VIL1: variants seen among roughly 807,000 people sequenced by gnomAD.
VIL1 encodes villin 1, also known as villin-1.
Under a neutral mutation model 104.0 loss-of-function variants are expected in VIL1, and 86 were observed. The observed-to-expected ratio is 0.83, with a 90% CI of 0.69 to 0.99. The LOEUF is 0.99. Ranked by LOEUF, VIL1 falls within the 50% of genes least tolerant of loss-of-function variation. The pLI, the probability that VIL1 is intolerant of heterozygous loss-of-function variation, is 0.00. For synonymous variants in VIL1, 394 were observed against 412.6 expected, an observed-to-expected ratio of 0.95 and a Z score of 0.55; for missense variants, 944 against 1,054.1, an observed-to-expected ratio of 0.90 and a Z score of 1.45.
chr2:218,440,608 TG>T, intron 18 of VIL1, 113 bp from the exon 19 acceptor site: 1 of 1,264,032 alleles, frequency 7.9e-7, no homozygotes. Flanking sequence ...CAGGGTGGGG[TG>T]GGACATGGGA....
At chr2:218,419,831 A>G (rs926611361) in intron 1 of VIL1, among the ~76,000 whole-genome samples, 2 of 152,170 alleles carry the variant, frequency 1.3e-5, no homozygotes, top group Non-Finnish European at 1.5e-5. Flanking sequence ...GGGCCCATTC[A>G]GCAGAACTAG....
chr2:218,421,707 C>T (rs1208937122), intron 1 of VIL1, among the ~76,000 whole-genome samples: 2 of 152,154 alleles, frequency 1.3e-5, no homozygotes, highest in Non-Finnish European at 2.9e-5. Flanking sequence ...GGCCCCAATC[C>T]TGATTTCTCT....
chr2:218,429,467 G>C lies in VIL1; in HGVS notation c.750G>C (p.Lys250Asn). ...ACACGGTGGTGGAGCCGGCACTCAA[G>C]GCTGCACTCAAACTGTACCAGTGAG... ...VPDTVVEPAL[K>N]AALKLYHVSD... Residue 250 changes from lysine to asparagine, a missense_variant, in exon 7 of 20, where the codon AAG becomes AAC. Transcript: ENST00000248444. The C allele has an allele frequency of 6.2e-7, 1 of 1,613,944 alleles. No individual in the cohort carries two copies. Among genetic ancestry groups the C allele is most frequent in the East Asian group, 2.2e-5 (1 of 44,870 alleles).
chr2:218,434,399 G>A lies in VIL1; in HGVS notation c.1501-127G>A. On this transcript the variant is annotated intron_variant, in intron 13 of 19. Coordinates refer to ENST00000248444, the MANE Select transcript of VIL1 (RefSeq NM_007127.3). The stretch of plus-strand genomic sequence containing the variant: ...GCAAACAATGTTTTAGAAAGACCTG[G>A]TGACGGAGCATCAGAGGAGCTCAGG... The A allele has an allele frequency of 2.2e-6, 2 of 900,346 alleles. 1 individual carries two copies. The highest frequency in any genetic ancestry group is 3.5e-5 in the South Asian group (2 of 57,370). 55.8% of individuals were successfully genotyped at this position (900,346 alleles called of 1,614,324 possible).
chr2:218,451,237 C>G lies in VIL1; in HGVS notation c.*1901C>G, dbSNP rs186692529. 13 of 152,226 alleles carry G rather than the reference C, an allele frequency of 8.5e-5. No homozygotes were observed. The East Asian group carries it at 2.5e-3, about 29-fold the overall frequency. 9.4% of individuals were successfully genotyped at this position (152,226 alleles called of 1,614,324 possible). A position where few individuals can be genotyped will look rare whatever the true frequency, so the allele number is the denominator to read the frequency against. On this transcript the variant is annotated 3_prime_UTR_variant, in exon 20 of 20. Transcript: ENST00000248444. Reference sequence around the variant, plus strand: ...AATGGGGAGGAAAAAGACATCCATCCATTTTATTGGAACACTTTTATGTGA... The same window carrying G: ...AATGGGGAGGAAAAAGACATCCATCGATTTTATTGGAACACTTTTATGTGA...
intron 16 of VIL1, among the ~76,000 whole-genome samples, 161 bp downstream of exon 16, chr2:218,436,787 G>T (rs1382140782): frequency 2.6e-5 from 4 of 152,324 alleles, no homozygotes; most frequent in Non-Finnish European, 5.9e-5. Context: ...AAGAAGGAAG[G>T]TGGGGAGGAA....
intron 9 of VIL1, among the ~76,000 whole-genome samples, chr2:218,430,462 T>A (rs1689075197): frequency 6.6e-6 from 1 of 152,008 alleles, no homozygotes; most frequent in African/African-American, 2.4e-5. Context: ...GTCAGAGTTG[T>A]GTTTCGGTAT....
At chr2:218,433,783 T>G (rs746953179) in intron 13 of VIL1, among the ~76,000 whole-genome samples, 40 of 151,894 alleles carry the variant, frequency 2.6e-4, no homozygotes, top group Admixed American at 5.2e-4. Flanking sequence ...AGTGCACACT[T>G]GTAATCCCAG....
At chr2:218,433,099 G>A (rs1209957410) in intron 13 of VIL1, 148 bp downstream of exon 13, 2 of 983,990 alleles carry the variant, frequency 2.0e-6, no homozygotes, top group Non-Finnish European at 3.0e-6. Flanking sequence ...TATCACCTAT[G>A]TGGAACTGGT....
At chr2:218,437,050 T>C in intron 16 of VIL1, 74 bp from the exon 17 acceptor site, 17 of 1,547,288 alleles carry the variant, frequency 1.1e-5, no homozygotes, top group Non-Finnish European at 1.5e-5. Flanking sequence ...GTTTCACTGT[T>C]GGACAACTGA....
chr2:218,432,277 C>A, intron 12 of VIL1, 94 bp downstream of exon 12: 1 of 1,523,796 alleles, frequency 6.6e-7, no homozygotes, highest in Non-Finnish European at 8.8e-7. Context: ...GGGTTGAATA[C>A]CTCTGGGGAT....
rs778555180 is a variant in VIL1 at position 218,430,796 on chromosome 2, C to T, written c.1020C>T (p.Ala340=). ...TGCAGAATGATGGGGCTGAGTCGGCCGTCTTTCAGCAGCTCTTCCAGAAGT... is the reference window on the plus strand; with the variant it reads ...TGCAGAATGATGGGGCTGAGTCGGCTGTCTTTCAGCAGCTCTTCCAGAAGT... ...VEVQNDGAES[A]VFQQLFQKWT... Residue 340 remains alanine, a synonymous_variant, in exon 10 of 20, where the codon GCC becomes GCT. Coordinates refer to ENST00000248444, the MANE Select transcript of VIL1 (RefSeq NM_007127.3). 1.2e-5 allele frequency: 20 copies of T among 1,613,572 alleles called. No individual in the cohort carries two copies. Among genetic ancestry groups the T allele is most frequent in the Admixed American group, 5.0e-5 (3 of 59,924 alleles).
intron 18 of VIL1, 131 bp downstream of exon 18, chr2:218,438,857 C>A (rs2106395626): frequency 5.7e-6 from 4 of 705,904 alleles, no homozygotes; most frequent in South Asian, 3.6e-5. Context: ...ACTTCTCATT[C>A]TTCTTGCTGT....
chr2:218,445,644 C>A (rs1307091422), intron 19 of VIL1, among the ~76,000 whole-genome samples: 2 of 151,874 alleles, frequency 1.3e-5, no homozygotes, highest in African/African-American at 4.8e-5. Flanking sequence ...AAAATGTTCC[C>A]TAGGGCAACT....
intron 19 of VIL1, among the ~76,000 whole-genome samples, chr2:218,445,972 T>G (rs1218368073): frequency 1.3e-5 from 2 of 152,194 alleles, no homozygotes; most frequent in Non-Finnish European, 2.9e-5. Context: ...AAAATTGTGC[T>G]ATCTAATCTT....
intron 13 of VIL1, among the ~76,000 whole-genome samples, 193 bp downstream of exon 13, chr2:218,433,144 C>T (rs1038567215): frequency 2.0e-5 from 3 of 152,206 alleles, no homozygotes; most frequent in African/African-American, 4.8e-5. Flanking sequence ...TTTAGAAATA[C>T]GTGTAATTGG....
intron 19 of VIL1, among the ~76,000 whole-genome samples, chr2:218,447,755 TG>T (rs1179695761): frequency 6.6e-6 from 1 of 151,684 alleles, no homozygotes; most frequent in Admixed American, 6.6e-5. Flanking sequence ...TTTTTTGAGA[TG>T]GAAAACTGTT....
In VIL1 at chr2:218,436,526, G is replaced by C. The variant is rs767690809; in HGVS notation, c.1871G>C (p.Cys624Ser). Residue 624 changes from cysteine (C) to serine (S), a missense_variant, in exon 16 of 20, where the codon TGT becomes TCT. Coordinates refer to ENST00000248444, the MANE Select transcript of VIL1 (RefSeq NM_007127.3). Reference protein sequence around the residue: ...NLVITPRLFECSNKTGRFLAT... With the variant: ...NLVITPRLFESSNKTGRFLAT... ...GTCATCACCCCCCGGCTCTTTGAGT[G>C]TTCCAACAAGACTGGGCGCTTCCTG... is the stretch of plus-strand genomic sequence containing the variant. 6.2e-7 allele frequency: 1 copy of C among 1,614,012 alleles called. No individual in the cohort carries two copies. Among genetic ancestry groups the C allele is most frequent in the East Asian group, 2.2e-5 (1 of 44,884 alleles).
intron 19 of VIL1, among the ~76,000 whole-genome samples, chr2:218,447,905 G>A (rs1286590920): frequency 6.6e-6 from 1 of 152,102 alleles, no homozygotes; most frequent in Non-Finnish European, 1.5e-5. Flanking sequence ...TTTGTTTTCA[G>A]TATACTTTCA....
Sources: gnomAD v4.1 joint callset for allele counts (sites outside exome capture counted in the v4.1 genomes callset) on GRCh38, gnomAD v4.1.1 for gene constraint, MANE v1.5 for transcripts, NCBI Gene and HGNC (gene_info 2026-07-23, HGNC 2026-07-21) for gene names.